The following WFDC1 variants were observed in gnomAD, a reference collection of about 807,000 sequenced individuals.
The protein encoded by WFDC1 is WAP four-disulfide core domain protein 1.
A neutral mutation model predicts 32.9 loss-of-function variants in WFDC1; 39 were observed. The observed-to-expected ratio is 1.19, with a 90% CI of 0.92 to 1.55. The LOEUF (loss-of-function observed/expected upper bound fraction) is 1.55, where lower values mean the gene tolerates loss of function less well. Among genes scored for constraint, WFDC1 ranks in the 40% most tolerant of loss-of-function variants. The pLI is 0.00. For missense variants in WFDC1, 386 were observed against 309.5 expected (o/e 1.25, Z -1.85); for synonymous variants, 184 against 137.4 (o/e 1.34, Z -2.37).
intron 1 of WFDC1, among the ~76,000 whole-genome samples, chr16:84,302,946 C>G (rs1288571402): frequency 1.3e-5 from 2 of 151,882 alleles, no homozygotes; most frequent in Non-Finnish European, 2.9e-5. Flanking sequence ...CTAGAGGACT[C>G]TCGGGTGCAC....
intron 1 of WFDC1, among the ~76,000 whole-genome samples, chr16:84,306,192 C>CA (rs1447081413): frequency 2.5e-4 from 38 of 152,178 alleles, no homozygotes; most frequent in Admixed American, 2.4e-3. Flanking sequence ...CGCTCAGATA[C>CA]GTTAGTGATT....
intron 1 of WFDC1, among the ~76,000 whole-genome samples, chr16:84,298,486 A>G (rs991911544): frequency 9.8e-5 from 15 of 152,288 alleles, no homozygotes; most frequent in Admixed American, 7.8e-4. Context: ...TGTCTTTTGC[A>G]TCCGTGTGGT....
chr16:84,298,123 A>C (rs1241846139), intron 1 of WFDC1, among the ~76,000 whole-genome samples: 1 of 152,130 alleles, frequency 6.6e-6, no homozygotes, highest in African/African-American at 2.4e-5. Flanking sequence ...ATTTGTATTA[A>C]AAAGAAAGGA....
chr16:84,324,372 C>T, intron 4 of WFDC1, 47 bp from the exon 5 acceptor site: 1 of 1,578,538 alleles, frequency 6.3e-7, no homozygotes, highest in Admixed American at 1.7e-5. Context: ...ACAGTTTTGG[C>T]CTTCTAAACT....
intron 6 of WFDC1, chr16:84,327,221 C>T: frequency 2.4e-6 from 1 of 411,848 alleles, no homozygotes; most frequent in Non-Finnish European, 4.5e-6. Context: ...GATGGGGTCT[C>T]ACTCTGTCAC....
intron 1 of WFDC1, among the ~76,000 whole-genome samples, chr16:84,296,329 AG>A (rs1906595211): frequency 6.6e-6 from 1 of 152,214 alleles, no homozygotes; most frequent in Admixed American, 6.5e-5. Flanking sequence ...GGGGTAGGGC[AG>A]GGTTCTGTTT....
At chr16:84,319,338 G>A in intron 3 of WFDC1, 93 bp from the exon 4 acceptor site, 1 of 1,529,470 alleles carries the variant, frequency 6.5e-7, no homozygotes, top group Non-Finnish European at 8.8e-7. Flanking sequence ...TGCGTTCCCT[G>A]CACCCGTCCC....
rs1042579615 is a variant in WFDC1 at position 84,313,306 on chromosome 16, C to T, written c.337+153C>T. Among the ~76,000 whole-genome samples, 3 of 152,214 alleles carry T rather than the reference C, an allele frequency of 2.0e-5. No homozygotes were observed. The East Asian group carries it at 5.8e-4, about 29-fold the overall frequency. On this transcript the variant is annotated intron_variant, in intron 2 of 6. Transcript: ENST00000219454. ...GCGCACCTGTGAACTGGGACGGGCG[C>T]TCCTTGAGCAGGCGTGGCGCTGCTG...
intron 1 of WFDC1, among the ~76,000 whole-genome samples, chr16:84,310,638 A>G (rs1907558121): frequency 6.6e-6 from 1 of 152,180 alleles, no homozygotes; most frequent in African/African-American, 2.4e-5. Context: ...TATCCTTCCA[A>G]AAACGTTCTC....
intron 1 of WFDC1, 68 bp from the exon 2 acceptor site, chr16:84,312,893 C>A: frequency 1.9e-6 from 2 of 1,035,510 alleles, no homozygotes; most frequent in Non-Finnish European, 1.2e-6. Flanking sequence ...CACCCCCTTG[C>A]AAGCTCCGGG....
At chr16:84,310,309 G>T (rs570418530) in intron 1 of WFDC1, among the ~76,000 whole-genome samples, 27 of 152,188 alleles carry the variant, frequency 1.8e-4, no homozygotes, top group African/African-American at 6.5e-4. Flanking sequence ...GGTCCCTCTG[G>T]AAGACCTGAA....
At chr16:84,298,189 C>A (rs1906723463) in intron 1 of WFDC1, among the ~76,000 whole-genome samples, 1 of 151,744 alleles carries the variant, frequency 6.6e-6, no homozygotes, top group Admixed American at 6.6e-5. Flanking sequence ...TTCACTACAA[C>A]CTCCACCTCC....
intron 4 of WFDC1, among the ~76,000 whole-genome samples, chr16:84,323,521 A>C (rs184894469): frequency 5.8e-4 from 89 of 152,334 alleles, no homozygotes; most frequent in Admixed American, 2.7e-3. Context: ...TTTACACACA[A>C]AGATAGAATT....
chr16:84,313,823 C>T (rs1396016765), intron 2 of WFDC1, among the ~76,000 whole-genome samples: 4 of 152,192 alleles, frequency 2.6e-5, no homozygotes, highest in African/African-American at 7.2e-5. Context: ...GGGTGGATCA[C>T]CTGAGGTCAG....
intron 6 of WFDC1, 77 bp downstream of exon 6, chr16:84,327,032 T>C (rs928035364): frequency 3.4e-6 from 5 of 1,460,982 alleles, no homozygotes; most frequent in Non-Finnish European, 4.8e-6. Flanking sequence ...CACCACCAGG[T>C]TGAGGAGCAG....
At chr16:84,317,100 C>T (rs1907997140) in intron 2 of WFDC1, 1 of 151,824 alleles carries the variant, frequency 6.6e-6, no homozygotes, top group Non-Finnish European at 1.5e-5. Context: ...CAAGACCAGC[C>T]TGGGCAACAT....
In WFDC1 at chr16:84,294,889, G is replaced by A. The variant is rs552890523; in HGVS notation, c.-83G>A. 3.8e-5 allele frequency: 59 copies of A among 1,534,870 alleles called. No homozygotes were observed. Among genetic ancestry groups the A allele is most frequent in the African/African-American group, 8.2e-5 (6 of 72,794 alleles). ...TAAGAAAGTCCAGCAGACTGTGCAC[G>A]CTCCTGTCCCCACTCACAGGCCCAC... On this transcript the variant is annotated 5_prime_UTR_variant, in exon 1 of 7. Transcript: ENST00000219454.
intron 4 of WFDC1, among the ~76,000 whole-genome samples, chr16:84,322,339 T>C (rs1202925974): frequency 6.6e-6 from 1 of 152,156 alleles, no homozygotes; most frequent in African/African-American, 2.4e-5. Context: ...ACATTTTGAA[T>C]TCCAGCAACT....
chr16:84,309,924 A>G (rs1907513082), intron 1 of WFDC1, among the ~76,000 whole-genome samples: 1 of 151,548 alleles, frequency 6.6e-6, no homozygotes. Flanking sequence ...GACACTTGTG[A>G]CTGGATTTAG....
Sources: allele counts gnomAD v4.1 joint callset (sites outside exome capture counted in the v4.1 genomes callset), GRCh38; gene constraint gnomAD v4.1.1; transcripts MANE v1.5; gene names NCBI Gene and HGNC (gene_info 2026-07-23, HGNC 2026-07-21).